Variants in GALNT13 observed in about 807,000 individuals in gnomAD.
GALNT13 encodes the protein UDP-GalNAc:polypeptide N-acetylgalactosaminyltransferase 13.
A neutral mutation model predicts 64.2 loss-of-function variants in GALNT13; 28 were observed. The ratio of observed to expected loss-of-function variants is 0.44; its 90% CI spans 0.32 to 0.60. GALNT13 has a LOEUF of 0.60. Ranked by LOEUF, GALNT13 falls within the 20% of genes least tolerant of loss-of-function variation. GALNT13 has a pLI of 0.05. For synonymous variants in GALNT13, 214 were observed against 224.6 expected (o/e 0.95, Z 0.42); for missense variants, 577 against 669.8 (o/e 0.86, Z 1.53).
At chr2:153,210,540 A>G in the GALNT13 span, among the ~76,000 whole-genome samples, 4 of 152,180 alleles carry the variant, frequency 2.6e-5, no homozygotes, top group Non-Finnish European at 5.9e-5. Context: ...ATGTATTGCT[A>G]GATTTGATTT....
the GALNT13 span, among the ~76,000 whole-genome samples, chr2:153,098,649 A>G: frequency 6.6e-6 from 1 of 152,206 alleles, no homozygotes; most frequent in African/African-American, 2.4e-5. Context: ...ATTGCTATAT[A>G]GTATTCCATT....
Position 154,242,182 on chromosome 2 carries a change from A to G in GALNT13, c.464A>G (p.Asp155Gly). ...CTCTCAGAGGTCATCTTGGTAGATG[A>G]TGCCAGTGAAAGAGGTACAAACTGG... ...YLLSEVILVDDASERDFLKLT... is the reference protein window; with the variant it reads ...YLLSEVILVDGASERDFLKLT... The change falls in exon 5 of 13, where the codon GAT becomes GGT. Residue 155 changes from aspartate (D) to glycine (G), a missense_variant. Transcript: ENST00000392825. 1 of 1,608,656 alleles carries G rather than the reference A, an allele frequency of 6.2e-7. No homozygotes were observed. Among genetic ancestry groups the G allele is most frequent in the Non-Finnish European group, 8.5e-7 (1 of 1,178,578 alleles).
the GALNT13 span, among the ~76,000 whole-genome samples, chr2:153,293,735 A>C: frequency 6.6e-6 from 1 of 151,838 alleles, no homozygotes; most frequent in Non-Finnish European, 1.5e-5. Flanking sequence ...TAACTGACAA[A>C]GATTAACATG....
the GALNT13 span, among the ~76,000 whole-genome samples, chr2:153,397,152 C>T: frequency 1.3e-5 from 2 of 152,242 alleles, no homozygotes; most frequent in Admixed American, 6.5e-5. Context: ...GGCACTGTAA[C>T]CAGCATCTGC....
At chr2:153,100,052 A>T in the GALNT13 span, among the ~76,000 whole-genome samples, 45 of 152,382 alleles carry the variant, frequency 3.0e-4, no homozygotes, top group East Asian at 7.5e-3. Flanking sequence ...TAGTGCAAAC[A>T]TAATTAACAA....
chr2:154,232,714 GTTCT>G (rs889581092), intron 4 of GALNT13, among the ~76,000 whole-genome samples: 5 of 151,976 alleles, frequency 3.3e-5, no homozygotes, highest in Admixed American at 2.6e-4. Context: ...GGAACATCAG[GTTCT>G]TTATTTATCA....
At chr2:153,653,983 C>A in the GALNT13 span, among the ~76,000 whole-genome samples, 2 of 151,926 alleles carry the variant, frequency 1.3e-5, no homozygotes, top group Non-Finnish European at 2.9e-5. Context: ...AATTGATGAA[C>A]CAGGTTGAAG....
intron 8 of GALNT13, among the ~76,000 whole-genome samples, chr2:154,298,116 T>C (rs1693038483): frequency 6.6e-6 from 1 of 151,716 alleles, no homozygotes; most frequent in South Asian, 2.1e-4. Context: ...CCATGAAATG[T>C]ATAAAGAGAG....
the GALNT13 span, among the ~76,000 whole-genome samples, chr2:153,685,126 A>G: frequency 6.6e-6 from 1 of 151,906 alleles, no homozygotes; most frequent in African/African-American, 2.4e-5. Flanking sequence ...ATATGTGTGC[A>G]CGCCTCTTTA....
At chr2:153,774,574 T>C in the GALNT13 span, among the ~76,000 whole-genome samples, 1 of 152,182 alleles carries the variant, frequency 6.6e-6, no homozygotes, top group East Asian at 1.9e-4. Flanking sequence ...TTTTTTTTGG[T>C]AAACTTATTC....
chr2:154,328,310 T>C (rs192713627), intron 9 of GALNT13, among the ~76,000 whole-genome samples: 2 of 152,276 alleles, frequency 1.3e-5, no homozygotes, highest in Non-Finnish European at 2.9e-5. Flanking sequence ...AACTGGACTT[T>C]ATATTGCACT....
chr2:153,998,437 T>G (rs898334487), intron 3 of GALNT13, among the ~76,000 whole-genome samples: 2 of 152,204 alleles, frequency 1.3e-5, no homozygotes, highest in Non-Finnish European at 2.9e-5. Context: ...AGCATAAAGG[T>G]CTTCTTTTGA....
upstream of GALNT13, among the ~76,000 whole-genome samples, chr2:153,867,051 A>G (rs1052499548): frequency 6.6e-5 from 10 of 152,356 alleles, no homozygotes; most frequent in African/African-American, 1.9e-4. Context: ...CCCGTGCATT[A>G]TAAGAACAGT....
At chr2:153,142,207 T>C in the GALNT13 span, among the ~76,000 whole-genome samples, 1 of 152,064 alleles carries the variant, frequency 6.6e-6, no homozygotes, top group Non-Finnish European at 1.5e-5. Flanking sequence ...ATTTGGTGAC[T>C]TCACATACAG....
At chr2:153,482,784 T>A in the GALNT13 span, among the ~76,000 whole-genome samples, 13 of 150,370 alleles carry the variant, frequency 8.6e-5, no homozygotes, top group South Asian at 2.1e-4. Context: ...TTTTTTTTTT[T>A]AAATCCTCTA....
chr2:153,890,886 C>T (rs563161032), intron 1 of GALNT13, among the ~76,000 whole-genome samples: 1 of 152,148 alleles, frequency 6.6e-6, no homozygotes, highest in East Asian at 1.9e-4. Flanking sequence ...GATCTGGTCA[C>T]TGGCATTTAT....
the GALNT13 span, among the ~76,000 whole-genome samples, chr2:153,659,812 G>A: frequency 1.3e-5 from 2 of 152,060 alleles, no homozygotes; most frequent in African/African-American, 4.8e-5. Context: ...TTTTAAAAGA[G>A]AAAAAAGCAG....
intron 10 of GALNT13, among the ~76,000 whole-genome samples, chr2:154,398,389 A>C (rs1340484734): frequency 6.6e-6 from 1 of 152,214 alleles, no homozygotes; most frequent in Non-Finnish European, 1.5e-5. Flanking sequence ...CCAAGTTAAA[A>C]ATCCAATTTT....
At chr2:153,197,080 G>A in the GALNT13 span, among the ~76,000 whole-genome samples, 1 of 152,350 alleles carries the variant, frequency 6.6e-6, no homozygotes, top group East Asian at 1.9e-4. Context: ...GTAGGTGGTG[G>A]TGGTGGTGGC....
Sources: gnomAD v4.1 joint callset for allele counts (sites outside exome capture counted in the v4.1 genomes callset) on GRCh38, gnomAD v4.1.1 for gene constraint, MANE v1.5 for transcripts, NCBI Gene and HGNC (gene_info 2026-07-23, HGNC 2026-07-21) for gene names.